LCLAT1: variants seen among roughly 807,000 people sequenced by gnomAD.
LCLAT1 encodes the protein 1-AGP acyltransferase 8.
LCLAT1 carries 11 observed loss-of-function variants against 30.7 expected under a neutral mutation model. The ratio of observed to expected loss-of-function variants is 0.36; its 90% confidence interval spans 0.23 to 0.59. The LOEUF (loss-of-function observed/expected upper bound fraction) is 0.59. Among genes scored for constraint, LCLAT1 ranks in the 20% least tolerant of loss-of-function variants. LCLAT1 has a pLI of 0.77. For synonymous variants in LCLAT1, 155 were observed against 151.3 expected, an observed-to-expected ratio of 1.02 and a Z score of -0.18; for missense variants, 402 against 458.6, an observed-to-expected ratio of 0.88 and a Z score of 1.13.
intron 5 of LCLAT1, among the ~76,000 whole-genome samples, chr2:30,584,001 C>A (rs1572656739): frequency 6.6e-6 from 1 of 151,574 alleles, no homozygotes; most frequent in South Asian, 2.1e-4. Context: ...ACCTGTTGAC[C>A]CTTCCTCTAA....
intron 3 of LCLAT1, among the ~76,000 whole-genome samples, chr2:30,540,493 T>C (rs896419803): frequency 6.6e-6 from 1 of 152,184 alleles, no homozygotes; most frequent in African/African-American, 2.4e-5. Context: ...ATGAGAGATA[T>C]TGTCCATTTC....
intron 1 of LCLAT1, among the ~76,000 whole-genome samples, chr2:30,521,617 C>T (rs1362293062): frequency 6.8e-6 from 1 of 146,454 alleles, no homozygotes; most frequent in Non-Finnish European, 1.5e-5. Context: ...AGCGATTCTT[C>T]TACCTCACCC....
intron 3 of LCLAT1, among the ~76,000 whole-genome samples, chr2:30,548,914 T>TA (rs1664552518): frequency 6.6e-6 from 1 of 152,150 alleles, no homozygotes; most frequent in African/African-American, 2.4e-5. Flanking sequence ...CTAGATCCCT[T>TA]AGAAAGGAAT....
chr2:30,455,150 A>G (rs1478013380), intron 1 of LCLAT1, among the ~76,000 whole-genome samples: 1 of 151,892 alleles, frequency 6.6e-6, no homozygotes, highest in Non-Finnish European at 1.5e-5. Flanking sequence ...TTCTCTTTTT[A>G]TCTATACTTT....
At chr2:30,480,469 A>G (rs945713563) in intron 1 of LCLAT1, among the ~76,000 whole-genome samples, 3 of 152,224 alleles carry the variant, frequency 2.0e-5, no homozygotes, top group African/African-American at 4.8e-5. Flanking sequence ...TGCTGGGATT[A>G]CAGGTTTGAG....
At chr2:30,536,406 TA>T (rs1419986503) in intron 3 of LCLAT1, among the ~76,000 whole-genome samples, 4 of 152,110 alleles carry the variant, frequency 2.6e-5, no homozygotes, top group African/African-American at 9.7e-5. Context: ...TCGAATCACA[TA>T]AAAGGGAATC....
chr2:30,537,300 G>A (rs1225155235), intron 3 of LCLAT1, among the ~76,000 whole-genome samples: 2 of 151,598 alleles, frequency 1.3e-5, no homozygotes, highest in Non-Finnish European at 2.9e-5. Flanking sequence ...AGAATGGCGT[G>A]AACCTGGGAA....
intron 3 of LCLAT1, among the ~76,000 whole-genome samples, chr2:30,543,269 G>A (rs2148412865): frequency 6.6e-6 from 1 of 152,068 alleles, no homozygotes; most frequent in Non-Finnish European, 1.5e-5. Flanking sequence ...AAATTGCATT[G>A]GTTAATCTCT....
chr2:30,463,981 G>A (rs1372658725), intron 1 of LCLAT1, among the ~76,000 whole-genome samples: 3 of 152,156 alleles, frequency 2.0e-5, no homozygotes, highest in African/African-American at 7.2e-5. Flanking sequence ...GGATAGATTA[G>A]AATGAAATTA....
intron 1 of LCLAT1, among the ~76,000 whole-genome samples, chr2:30,469,731 A>G (rs1396994327): frequency 2.6e-5 from 4 of 151,952 alleles, no homozygotes; most frequent in Admixed American, 6.5e-5. Flanking sequence ...GGTGCCCACC[A>G]CCACACCTGG....
At chr2:30,451,088 C>T (rs1681524997) in intron 1 of LCLAT1, among the ~76,000 whole-genome samples, 1 of 152,160 alleles carries the variant, frequency 6.6e-6, no homozygotes, top group Non-Finnish European at 1.5e-5. Flanking sequence ...TAGAGGGTCT[C>T]AGAATGGCCA....
intron 3 of LCLAT1, among the ~76,000 whole-genome samples, chr2:30,554,505 G>T (rs547773132): frequency 1.3e-4 from 20 of 152,048 alleles, no homozygotes; most frequent in Admixed American, 6.5e-5. Flanking sequence ...TTAAAATCTG[G>T]TTTTACCACT....
intron 3 of LCLAT1, among the ~76,000 whole-genome samples, chr2:30,558,493 G>A (rs1201862964): frequency 6.6e-6 from 1 of 151,406 alleles, no homozygotes; most frequent in Admixed American, 6.6e-5. Flanking sequence ...CCAACTACTC[G>A]AGGCTGAGGC....
chr2:30,480,344 C>T (rs1683257272), intron 1 of LCLAT1, among the ~76,000 whole-genome samples: 1 of 152,074 alleles, frequency 6.6e-6, no homozygotes, highest in Admixed American at 6.6e-5. Flanking sequence ...GTGTACACCA[C>T]CATGCTCGGC....
At chr2:30,479,097 A>G (rs75561006) in intron 1 of LCLAT1, among the ~76,000 whole-genome samples, 16,785 of 152,256 alleles carry the variant, frequency 0.11, 1,152 homozygotes, top group East Asian at 0.23. Flanking sequence ...GGATATTTAT[A>G]CAGTGAAATA....
At chr2:30,512,196 C>T (rs1684969499) in intron 1 of LCLAT1, among the ~76,000 whole-genome samples, 1 of 151,892 alleles carries the variant, frequency 6.6e-6, no homozygotes, top group Non-Finnish European at 1.5e-5. Flanking sequence ...TTTTGGAATT[C>T]TTATTTTATT....
chr2:30,514,825 C>A (rs1685106424), intron 1 of LCLAT1, among the ~76,000 whole-genome samples: 1 of 152,176 alleles, frequency 6.6e-6, no homozygotes, highest in Non-Finnish European at 1.5e-5. Flanking sequence ...TTAACAAAAT[C>A]AATCTGTATA....
intron 5 of LCLAT1, among the ~76,000 whole-genome samples, chr2:30,609,569 T>A (rs1667632476): frequency 6.6e-6 from 1 of 152,128 alleles, no homozygotes; most frequent in Non-Finnish European, 1.5e-5. Flanking sequence ...ACTTGATTCT[T>A]TTAGAATGTA....
At chr2:30,458,370 C>CAA (rs1681937631) in intron 1 of LCLAT1, among the ~76,000 whole-genome samples, 2 of 152,154 alleles carry the variant, frequency 1.3e-5, no homozygotes, top group African/African-American at 4.8e-5. Flanking sequence ...GAGGGTGGAT[C>CAA]TTGATAGACA....
Sources: allele counts gnomAD v4.1 joint callset (sites outside exome capture counted in the v4.1 genomes callset), GRCh38; gene constraint gnomAD v4.1.1; transcripts MANE v1.5; gene names NCBI Gene and HGNC (gene_info 2026-07-23, HGNC 2026-07-21).